The following DACH2 variants were observed in gnomAD, a reference collection of about 807,000 sequenced individuals.
DACH2 encodes the protein dachshund homolog 2.
A neutral mutation model predicts 35.8 loss-of-function variants in DACH2; 17 were observed. The observed-to-expected ratio is 0.48, with a 90% CI of 0.33 to 0.71. The LOEUF is 0.71. Ranked by LOEUF, DACH2 falls within the 30% of genes least tolerant of loss-of-function variation. The pLI, the probability that DACH2 is intolerant of heterozygous loss-of-function variation, is 0.02. For synonymous variants in DACH2, 195 were observed against 177.3 expected (o/e 1.10, Z -0.79); for missense variants, 469 against 472.7 (o/e 0.99, Z 0.07).
chrX:86,496,317 A>T (rs1192040315), intron 2 of DACH2, among the ~76,000 whole-genome samples: 2 of 110,791 alleles, frequency 1.8e-5, no homozygotes, highest in East Asian at 5.7e-4. Context: ...TATCCTTAGG[A>T]CGTTTTTCTT....
intron 3 of DACH2, among the ~76,000 whole-genome samples, chrX:86,647,056 C>T (rs946146554): frequency 9.1e-6 from 1 of 109,290 alleles, no homozygotes; most frequent in Admixed American, 9.9e-5. Context: ...ATTAAGAGAA[C>T]GTTTGCACAA....
At chrX:86,173,826 G>A (rs2031212372) in intron 1 of DACH2, among the ~76,000 whole-genome samples, 1 of 112,147 alleles carries the variant, frequency 8.9e-6, no homozygotes, top group Non-Finnish European at 1.9e-5. Context: ...GCTCATATAA[G>A]GCAAAGGTAG....
In DACH2 at chrX:86,632,303, C is replaced by G. The variant is rs182804458; in HGVS notation, c.641-18733C>G. Among the ~76,000 whole-genome samples the G allele has an allele frequency of 5.1e-3, 567 of 111,288 alleles. 5 individuals are homozygous for G. Among genetic ancestry groups the G allele is most frequent in the African/African-American group, 0.018 (545 of 30,632 alleles). On this transcript the variant is annotated intron_variant, in intron 3 of 11. Coordinates refer to ENST00000373125, the MANE Select transcript of DACH2 (RefSeq NM_053281.3). ...TTGTGTGGACTTTATAACTCTACCA[C>G]TGACTGACTGCGTTATCTTTAGCCC...
chrX:86,461,975 G>A (rs1048210792), intron 2 of DACH2, among the ~76,000 whole-genome samples: 6 of 110,934 alleles, frequency 5.4e-5, no homozygotes, highest in African/African-American at 2.0e-4. Flanking sequence ...GAACTTCTTA[G>A]CAAGAAGATA....
chrX:86,188,971 C>T (rs1464148738), intron 1 of DACH2, among the ~76,000 whole-genome samples: 1 of 112,169 alleles, frequency 8.9e-6, no homozygotes. Context: ...CATGACTGAA[C>T]ACATGGTAGA....
At chrX:86,158,566 A>G (rs1337474523) in intron 1 of DACH2, among the ~76,000 whole-genome samples, 3 of 109,486 alleles carry the variant, frequency 2.7e-5, no homozygotes, top group Non-Finnish European at 5.7e-5. Flanking sequence ...GTACTTATTA[A>G]GGGTATTCTT....
chrX:86,275,759 A>C (rs2033905901), intron 1 of DACH2, among the ~76,000 whole-genome samples: 1 of 111,418 alleles, frequency 9.0e-6, no homozygotes, highest in African/African-American at 3.3e-5. Context: ...TCATGAGTTC[A>C]ATTGTTTTTA....
At chrX:86,521,261 A>G (rs887605262) in intron 3 of DACH2, among the ~76,000 whole-genome samples, 2 of 111,795 alleles carry the variant, frequency 1.8e-5, no homozygotes, top group Non-Finnish European at 3.8e-5. Context: ...GTTTCAGCTA[A>G]GAGGTCCACT....
intron 3 of DACH2, among the ~76,000 whole-genome samples, chrX:86,582,931 A>G (rs2039520847): frequency 1.8e-5 from 2 of 111,229 alleles, no homozygotes; most frequent in African/African-American, 3.3e-5. Context: ...TTTTAGGCCA[A>G]ATTTTTTATG....
At chrX:86,247,682 A>G (rs2033313718) in intron 1 of DACH2, among the ~76,000 whole-genome samples, 2 of 111,281 alleles carry the variant, frequency 1.8e-5, no homozygotes, top group African/African-American at 6.5e-5. Flanking sequence ...CTCCTCCCTG[A>G]CTCATTCTAT....
chrX:86,302,808 G>A (rs760807236), intron 1 of DACH2, among the ~76,000 whole-genome samples: 19 of 110,091 alleles, frequency 1.7e-4, no homozygotes, highest in African/African-American at 6.3e-4. Context: ...TGTTTTAGGG[G>A]AGCCTAAAGA....
chrX:86,781,063 C>A (rs1044615219), intron 7 of DACH2, among the ~76,000 whole-genome samples: 6 of 111,500 alleles, frequency 5.4e-5, no homozygotes, highest in African/African-American at 2.0e-4. Flanking sequence ...CCCACGCATC[C>A]CCGTTCCAAG....
chrX:86,711,310 G>A (rs762519454), intron 5 of DACH2, among the ~76,000 whole-genome samples: 1 of 110,982 alleles, frequency 9.0e-6, no homozygotes, highest in Admixed American at 9.6e-5. Flanking sequence ...CCGGGAGGCG[G>A]AGGTTGCGTG....
chrX:86,819,647 C>T (rs2042489246), intron 11 of DACH2, among the ~76,000 whole-genome samples: 1 of 111,380 alleles, frequency 9.0e-6, no homozygotes, highest in African/African-American at 3.3e-5. Context: ...CCTTTTACTC[C>T]CCAGTCAAAC....
At chrX:86,450,156 C>A (rs935578133) in intron 2 of DACH2, among the ~76,000 whole-genome samples, 7 of 110,851 alleles carry the variant, frequency 6.3e-5, no homozygotes, top group Non-Finnish European at 1.9e-5. Flanking sequence ...TTTTGCTGCA[C>A]AGATCATTCC....
Position 86,213,321 on chromosome X carries a change from C to A in DACH2, c.488+64213C>A, listed in dbSNP as rs191717789. Among the ~76,000 whole-genome samples, 326 of 110,965 alleles carry A rather than the reference C, an allele frequency of 2.9e-3. 4 individuals are homozygous for A. The highest frequency in any genetic ancestry group is 0.01 in the African/African-American group (320 of 30,645). Reference sequence around the variant, plus strand: ...CAAGTTATTTAGATACAAATATTTCCCAATAGTACTGCTTCTGCTCATAAC... The same window carrying A: ...CAAGTTATTTAGATACAAATATTTCACAATAGTACTGCTTCTGCTCATAAC... On this transcript the variant is annotated intron_variant, in intron 1 of 11. Coordinates refer to ENST00000373125, the MANE Select transcript of DACH2 (RefSeq NM_053281.3).
intron 3 of DACH2, among the ~76,000 whole-genome samples, chrX:86,618,617 CTAT>C (rs1439069722): frequency 8.9e-6 from 1 of 111,756 alleles, no homozygotes; most frequent in East Asian, 2.8e-4. Flanking sequence ...TAGATGTAAA[CTAT>C]TATTAATTGT....
chrX:86,344,437 T>A (rs1033551097), intron 1 of DACH2, among the ~76,000 whole-genome samples: 1 of 109,263 alleles, frequency 9.2e-6, no homozygotes, highest in East Asian at 2.9e-4. Flanking sequence ...TTTTTCCAGG[T>A]CTCTAGGCTT....
Position 86,714,549 on chromosome X carries a change from A to G in DACH2, c.933A>G (p.Arg311=), listed in dbSNP as rs773908091. ...PLQQNHLLTN[R]LDLPFMMMPH... The stretch of plus-strand genomic sequence containing the variant: ...TTTAATATGCACTGTCTCTTTTAGG[A>G]CTGGATCTGCCATTTATGATGATGC... The change falls in exon 6 of 12, where the codon AGA becomes AGG. Residue 311 remains arginine, a splice_region_variant and synonymous_variant. Coordinates refer to ENST00000373125, the MANE Select transcript of DACH2 (RefSeq NM_053281.3). 8.4e-7 allele frequency: 1 copy of G among 1,193,881 alleles called. No individual in the cohort carries two copies. The highest frequency in any genetic ancestry group is 1.8e-5 in the South Asian group (1 of 54,754).
Sources: allele counts gnomAD v4.1 joint callset (sites outside exome capture counted in the v4.1 genomes callset), GRCh38; gene constraint gnomAD v4.1.1; transcripts MANE v1.5; gene names NCBI Gene and HGNC (gene_info 2026-07-23, HGNC 2026-07-21).